Variants in ANO2 observed in about 807,000 individuals in gnomAD.
ANO2 encodes anoctamin-2.
A neutral mutation model predicts 124.2 loss-of-function variants in ANO2; 101 were observed. That is an observed-to-expected ratio of 0.81 (90% CI 0.69 to 0.96). The LOEUF (loss-of-function observed/expected upper bound fraction) is 0.96, where lower values mean the gene tolerates loss of function less well. Ranked by LOEUF, ANO2 falls within the 40% of genes least tolerant of loss-of-function variation. The pLI is 0.00. For synonymous variants in ANO2, 486 were observed against 482.5 expected, an observed-to-expected ratio of 1.01 and a Z score of -0.09; for missense variants, 1,293 against 1,274.5, an observed-to-expected ratio of 1.01 and a Z score of -0.22.
intron 1 of ANO2, among the ~76,000 whole-genome samples, chr12:5,935,176 T>C (rs1480681265): frequency 1.3e-5 from 2 of 152,238 alleles, no homozygotes; most frequent in Non-Finnish European, 2.9e-5. Context: ...GTGAGCTTAA[T>C]GGGCTAGTTG....
At chr12:5,890,547 C>G (rs1014101436) in intron 3 of ANO2, among the ~76,000 whole-genome samples, 6 of 152,182 alleles carry the variant, frequency 3.9e-5, no homozygotes, top group Admixed American at 2.0e-4. Context: ...TTGCCAAGCC[C>G]TGTGTTAGGA....
At chr12:5,603,808 G>A (rs976212685) in intron 19 of ANO2, among the ~76,000 whole-genome samples, 5 of 151,974 alleles carry the variant, frequency 3.3e-5, no homozygotes, top group African/African-American at 7.3e-5. Context: ...AGCAGGGCAC[G>A]GTGGTGGGCG....
chr12:5,836,985 G>C (rs1193057014), intron 4 of ANO2, among the ~76,000 whole-genome samples: 3 of 152,192 alleles, frequency 2.0e-5, no homozygotes, highest in African/African-American at 7.2e-5. Flanking sequence ...ATTGTTTTAT[G>C]AATGAATGAA....
At chr12:5,601,403 C>T (rs1034706564) in intron 19 of ANO2, among the ~76,000 whole-genome samples, 1 of 151,222 alleles carries the variant, frequency 6.6e-6, no homozygotes, top group African/African-American at 2.4e-5. Context: ...TAAAAAATTT[C>T]TAAGAAAAAA....
intron 11 of ANO2, among the ~76,000 whole-genome samples, chr12:5,746,980 T>TTACAG (rs1336218930): frequency 2.0e-5 from 3 of 152,246 alleles, no homozygotes; most frequent in Admixed American, 2.0e-4. Context: ...GAAGTATTAC[T>TTACAG]TACAGGCTTA....
chr12:5,813,069 C>T (rs375164558), intron 7 of ANO2, among the ~76,000 whole-genome samples: 3 of 81,414 alleles, frequency 3.7e-5, no homozygotes, highest in East Asian at 4.1e-4. Context: ...GGAAGGAAGA[C>T]GAAAGAGGAA....
At chr12:5,754,742 T>C (rs970360048) in intron 10 of ANO2, among the ~76,000 whole-genome samples, 2 of 152,172 alleles carry the variant, frequency 1.3e-5, no homozygotes, top group African/African-American at 4.8e-5. Flanking sequence ...TTGTTCATAA[T>C]AATTCCTTTT....
intron 14 of ANO2, among the ~76,000 whole-genome samples, chr12:5,680,373 T>C (rs1405874676): frequency 3.3e-5 from 5 of 151,966 alleles, no homozygotes; most frequent in African/African-American, 1.2e-4. Context: ...TTAAGAGGGA[T>C]ATTGAAAAAA....
chr12:5,914,538 C>T (rs573599295), intron 3 of ANO2, among the ~76,000 whole-genome samples: 10 of 152,150 alleles, frequency 6.6e-5, no homozygotes, highest in Non-Finnish European at 1.2e-4. Context: ...CCTGATGGTA[C>T]GCTGTCCCTT....
In ANO2 at chr12:5,592,612, G is replaced by T. The variant is rs192495695; in HGVS notation, c.2233+6872C>A. On this transcript the variant is annotated intron_variant, in intron 20 of 24. Transcript: ENST00000682330. ...AAGGATTTTAAGTAGAAAAATGAAT[G>T]CAATCTGGCTTGCATCTTTTAAAAG... is the stretch of plus-strand genomic sequence containing the variant. Among the ~76,000 whole-genome samples, 22 of 152,270 alleles carry T rather than the reference G, an allele frequency of 1.4e-4. No individual in the cohort carries two copies. The East Asian group carries it at 4.2e-3, about 29-fold the overall frequency.
chr12:5,629,970 G>A (rs576209584), intron 16 of ANO2, among the ~76,000 whole-genome samples: 44 of 152,282 alleles, frequency 2.9e-4, no homozygotes, highest in East Asian at 3.9e-4. Flanking sequence ...GTTTTTATCC[G>A]CCACTGCTGC....
At chr12:5,714,646 T>G (rs1407350688) in intron 14 of ANO2, among the ~76,000 whole-genome samples, 6 of 152,220 alleles carry the variant, frequency 3.9e-5, no homozygotes, top group Admixed American at 3.9e-4. Context: ...CTCCTATTCT[T>G]TCTCTTTATT....
intron 12 of ANO2, chr12:5,739,975 G>C (rs1169429850): frequency 2.2e-6 from 1 of 455,966 alleles, no homozygotes; most frequent in Admixed American, 2.4e-5. Context: ...CTGTAAAGTA[G>C]TATGCATTCA....
At chr12:5,675,771 T>G (rs1441144065) in intron 14 of ANO2, among the ~76,000 whole-genome samples, 1 of 152,184 alleles carries the variant, frequency 6.6e-6, no homozygotes, top group African/African-American at 2.4e-5. Flanking sequence ...AGTTTTTTCA[T>G]CTGTAAAATA....
intron 14 of ANO2, among the ~76,000 whole-genome samples, chr12:5,718,297 A>G (rs1395140932): frequency 1.3e-5 from 2 of 152,208 alleles, no homozygotes; most frequent in Non-Finnish European, 2.9e-5. Context: ...TGCCTCCTCA[A>G]AGACCCCACA....
At chr12:5,663,441 G>C (rs1947543250) in intron 14 of ANO2, among the ~76,000 whole-genome samples, 1 of 152,190 alleles carries the variant, frequency 6.6e-6, no homozygotes, top group African/African-American at 2.4e-5. Context: ...ACTAGGCCCT[G>C]TGTGCAGGGG....
At chr12:5,753,367 T>TATAA (rs1951493390) in intron 10 of ANO2, among the ~76,000 whole-genome samples, 1 of 152,150 alleles carries the variant, frequency 6.6e-6, no homozygotes, top group East Asian at 1.9e-4. Flanking sequence ...CGGCACTTAA[T>TATAA]ATAAGGTGAA....
At chr12:5,919,174 G>A (rs1038260346) in intron 3 of ANO2, among the ~76,000 whole-genome samples, 1 of 152,184 alleles carries the variant, frequency 6.6e-6, no homozygotes, top group Admixed American at 6.5e-5. Context: ...GGACAGAGAG[G>A]GACGGGGTGG....
At position 5,623,996 on chromosome 12, in the gene ANO2, C is replaced by A. The variant is rs993908696; in HGVS notation, c.1817-8699G>T. Among the ~76,000 whole-genome samples, 17 of 152,234 alleles carry A rather than the reference C, an allele frequency of 1.1e-4. No individual in the cohort carries two copies. The East Asian group carries it at 3.3e-3, about 30-fold the overall frequency. On this transcript the variant is annotated intron_variant, in intron 16 of 24. Coordinates refer to ENST00000682330, the MANE Select transcript of ANO2 (RefSeq NM_001364791.2). ...GCCAGCTGGGTAACAAGGCAGCCAG[C>A]GCATGACCTGAGGGAGCTGAAAGCC...
Sources: gnomAD v4.1 joint callset for allele counts (sites outside exome capture counted in the v4.1 genomes callset) on GRCh38, gnomAD v4.1.1 for gene constraint, MANE v1.5 for transcripts, NCBI Gene and HGNC (gene_info 2026-07-23, HGNC 2026-07-21) for gene names.